Variants in CNKSR2 observed in about 807,000 individuals in gnomAD.
CNKSR2 encodes the protein CNK homolog protein 2.
In CNKSR2, 14 loss-of-function variants were observed where a neutral mutation model predicts 84.4. The ratio of observed to expected loss-of-function variants is 0.17; its 90% CI spans 0.11 to 0.26. CNKSR2 has a LOEUF of 0.26. Among genes scored for constraint, CNKSR2 ranks in the 10% least tolerant of loss-of-function variants. The pLI, the probability that CNKSR2 is intolerant of heterozygous loss-of-function variation, is 1.00. For synonymous variants in CNKSR2, 275 were observed against 277.9 expected (o/e 0.99, Z 0.10); for missense variants, 485 against 771.2 (o/e 0.63, Z 4.40).
At chrX:21,383,103 C>T (rs1421907791) in intron 1 of CNKSR2, among the ~76,000 whole-genome samples, 3 of 112,285 alleles carry the variant, frequency 2.7e-5, no homozygotes, top group Non-Finnish European at 5.6e-5. Context: ...AGTTTGTTAA[C>T]TCTTTATAAA....
intron 20 of CNKSR2, among the ~76,000 whole-genome samples, chrX:21,633,508 T>A (rs907085149): frequency 1.8e-5 from 2 of 112,569 alleles, no homozygotes; most frequent in Admixed American, 9.4e-5. Context: ...CGTTGCTATA[T>A]TTGAATACAA....
intron 6 of CNKSR2, among the ~76,000 whole-genome samples, chrX:21,496,363 G>C (rs1465822829): frequency 9.0e-6 from 1 of 111,608 alleles, no homozygotes; most frequent in Admixed American, 9.5e-5. Context: ...TAAGTATGTT[G>C]TATACCTGTC....
chrX:21,424,031 G>A (rs1425832223), intron 1 of CNKSR2: 1 of 111,278 alleles, frequency 9.0e-6, no homozygotes, highest in Non-Finnish European at 1.9e-5. Context: ...GATCCTCTGG[G>A]ACCAGGTTTT....
At chrX:21,496,583 G>A (rs934030613) in intron 6 of CNKSR2, among the ~76,000 whole-genome samples, 2 of 111,371 alleles carry the variant, frequency 1.8e-5, no homozygotes, top group Non-Finnish European at 3.8e-5. Flanking sequence ...TCTACCCAGT[G>A]ATTTCTCAAT....
intron 8 of CNKSR2, among the ~76,000 whole-genome samples, chrX:21,510,881 C>G (rs1236098394): frequency 9.0e-6 from 1 of 111,687 alleles, no homozygotes; most frequent in African/African-American, 3.3e-5. Context: ...CTGACTTCTG[C>G]TACCTTGGAT....
At chrX:21,482,655 G>C (rs1472028947) in intron 5 of CNKSR2, among the ~76,000 whole-genome samples, 1 of 111,971 alleles carries the variant, frequency 8.9e-6, no homozygotes, top group Non-Finnish European at 1.9e-5. Flanking sequence ...CTTCTTTTCT[G>C]TTATCAGGAA....
At chrX:21,637,898 C>CTT (rs1221391360) in intron 20 of CNKSR2, among the ~76,000 whole-genome samples, 2 of 111,448 alleles carry the variant, frequency 1.8e-5, no homozygotes, top group Non-Finnish European at 3.8e-5. Context: ...TTGTGTTACT[C>CTT]TTGATAGACT....
chrX:21,468,284 T>G (rs1365713314), intron 4 of CNKSR2, among the ~76,000 whole-genome samples: 1 of 111,427 alleles, frequency 9.0e-6, no homozygotes, highest in Non-Finnish European at 1.9e-5. Flanking sequence ...TCAATATTAT[T>G]TAAATATTAC....
chrX:21,374,880 G>A lies in CNKSR2; in HGVS notation c.-18G>A. Reference sequence around the variant, plus strand: ...TGTGTCTGAGCTCTGCGCTCTGCACGGAACCGACCCCGTACCCATGGCTCT... The same window carrying A: ...TGTGTCTGAGCTCTGCGCTCTGCACAGAACCGACCCCGTACCCATGGCTCT... On this transcript the variant is annotated 5_prime_UTR_variant, in exon 1 of 22. Coordinates refer to ENST00000379510, the MANE Select transcript of CNKSR2 (RefSeq NM_014927.5). 1 of 1,204,030 alleles carries A rather than the reference G, an allele frequency of 8.3e-7. No homozygotes were observed. Among genetic ancestry groups the A allele is most frequent in the Non-Finnish European group, 1.1e-6 (1 of 888,147 alleles).
At chrX:21,375,104 C>T in intron 1 of CNKSR2, 143 bp downstream of exon 1, 1 of 522,322 alleles carries the variant, frequency 1.9e-6, no homozygotes, top group Non-Finnish European at 3.4e-6. Context: ...GGGGGTCCTC[C>T]AGGACTGGCA....
intron 6 of CNKSR2, chrX:21,491,252 T>C (rs955310862): frequency 3.4e-4 from 38 of 111,778 alleles, no homozygotes; most frequent in African/African-American, 1.2e-3. Flanking sequence ...AAAATTGATA[T>C]TGAGACAGAA....
chrX:21,407,587 G>A (rs2090281519), intron 1 of CNKSR2, among the ~76,000 whole-genome samples: 1 of 111,090 alleles, frequency 9.0e-6, no homozygotes, highest in Non-Finnish European at 1.9e-5. Flanking sequence ...CAAGATTTGG[G>A]ATTGTCATGA....
chrX:21,608,956 T>G, intron 19 of CNKSR2, 115 bp from the exon 20 acceptor site: 1 of 1,039,304 alleles, frequency 9.6e-7, no homozygotes, highest in African/African-American at 1.9e-5. Context: ...GTCATTAACA[T>G]GACTACGTAA....
At chrX:21,380,636 C>T (rs772965054) in intron 1 of CNKSR2, among the ~76,000 whole-genome samples, 35 of 109,752 alleles carry the variant, frequency 3.2e-4, no homozygotes, top group African/African-American at 6.3e-4. Flanking sequence ...TTAGTAGACA[C>T]GGGATTTCAC....
intron 18 of CNKSR2, 38 bp from the exon 19 acceptor site, chrX:21,606,741 A>T: frequency 1.2e-6 from 1 of 804,404 alleles, no homozygotes; most frequent in Non-Finnish European, 1.8e-6. Context: ...AGAAACATTT[A>T]GTAGAATGTT....
intron 1 of CNKSR2, among the ~76,000 whole-genome samples, chrX:21,387,581 G>T (rs1812311924): frequency 3.6e-5 from 4 of 111,976 alleles, no homozygotes. Flanking sequence ...ATCAATATCT[G>T]TATGTACAAA....
chrX:21,422,647 T>A (rs934686158), intron 1 of CNKSR2, among the ~76,000 whole-genome samples: 1 of 112,210 alleles, frequency 8.9e-6, no homozygotes, highest in Non-Finnish European at 1.9e-5. Flanking sequence ...GAACTTATAG[T>A]TGTGTTTATC....
chrX:21,599,895 C>T (rs908445214), intron 17 of CNKSR2, among the ~76,000 whole-genome samples: 13 of 111,073 alleles, frequency 1.2e-4, no homozygotes, highest in African/African-American at 4.3e-4. Flanking sequence ...ATTTTTAAAA[C>T]ATTGTCATGA....
At chrX:21,564,454 A>C (rs149375188) in intron 13 of CNKSR2, among the ~76,000 whole-genome samples, 1,476 of 111,426 alleles carry the variant, frequency 0.013, 13 homozygotes, top group South Asian at 0.028. Flanking sequence ...TTAATCCACA[A>C]AATTATGCAT....
Sources: allele counts gnomAD v4.1 joint callset (sites outside exome capture counted in the v4.1 genomes callset), GRCh38; gene constraint gnomAD v4.1.1; transcripts MANE v1.5; gene names NCBI Gene and HGNC (gene_info 2026-07-23, HGNC 2026-07-21).